The following SLC36A2 variants were observed in gnomAD, a reference collection of about 807,000 sequenced individuals.
The protein encoded by SLC36A2 is proton-coupled amino acid transporter 2.
A neutral mutation model predicts 42.7 loss-of-function variants in SLC36A2; 39 were observed. The ratio of observed to expected loss-of-function variants is 0.91; its 90% CI spans 0.71 to 1.19. The LOEUF (loss-of-function observed/expected upper bound fraction) is 1.19. Among genes scored for constraint, SLC36A2 ranks in the 50% most tolerant of loss-of-function variants. The pLI, the probability that SLC36A2 is intolerant of heterozygous loss-of-function variation, is 0.00. For synonymous variants in SLC36A2, 237 were observed against 240.8 expected (o/e 0.98, Z 0.15); for missense variants, 590 against 613.7 (o/e 0.96, Z 0.41).
chr5:151,347,350 G>T lies in SLC36A2; in HGVS notation c.111C>A (p.Phe37Leu), dbSNP rs759378079. ...AKKLENKDST[F>L]LDESPSESAG... ...CTGACTCTGAAGGACTTTCATCCAA[G>T]AATGTAGAGTCCTTGTTCTCCAACT... The change falls in exon 1 of 10, where the codon TTC becomes TTA. Residue 37 changes from phenylalanine (F) to leucine (L), a missense_variant. By Grantham distance (22) the Phe-to-Leu change is conservative. Coordinates refer to ENST00000335244, the MANE Select transcript of SLC36A2 (RefSeq NM_181776.3). The T allele has an allele frequency of 1.9e-6, 3 of 1,614,234 alleles. No homozygotes were observed. In the South Asian group the frequency reaches 3.3e-5, roughly 18 times the overall value.
chr5:151,335,188 A>G (rs1328106686), intron 6 of SLC36A2, 141 bp downstream of exon 6: 1 of 669,276 alleles, frequency 1.5e-6, no homozygotes, highest in Non-Finnish European at 2.7e-6. Flanking sequence ...ATCCTTGTAG[A>G]AGAAATGCTA....
Position 151,333,272 on chromosome 5 carries a change from G to A in SLC36A2, c.795C>T (p.Tyr265=). Residue 265 remains tyrosine (Y), a synonymous_variant, in exon 7 of 10, where the codon TAC becomes TAT. Transcript: ENST00000335244. ...AAATGGCTGTTCCGAAGAAGAGAGG[G>A]TAGGTCTTCCAGCTTGCTACCAGTG... ...RLPLVASWKT[Y]PLFFGTAIFS... 1 of 1,614,072 alleles carries A rather than the reference G, an allele frequency of 6.2e-7. No homozygotes were observed. The highest frequency in any genetic ancestry group is 8.5e-7 in the Non-Finnish European group (1 of 1,179,968).
chr5:151,322,067 G>A lies in SLC36A2; in HGVS notation c.1159C>T (p.Leu387Phe), dbSNP rs760965097. The A allele has an allele frequency of 7.4e-6, 12 of 1,614,066 alleles. No individual in the cohort carries two copies. In the African/African-American group the frequency reaches 1.1e-4, roughly 14 times the overall value. The change falls in exon 9 of 10, where the codon CTC becomes TTC. Residue 387 changes from leucine (L) to phenylalanine (F), a missense_variant. Leu to Phe is a conservative substitution (Grantham distance 22). Transcript: ENST00000335244. ...TCACATGTCAGGCAGACCATGACGA[G>A]GCGAATGGACAGATCCAGAGGCAGT... Reference protein sequence around the residue: ...WALPLDLSIRLVMVCLTCLLA... With the variant: ...WALPLDLSIRFVMVCLTCLLA...
At chr5:151,325,476 A>C in intron 7 of SLC36A2, 24 bp from the exon 8 acceptor site, 2 of 1,613,254 alleles carry the variant, frequency 1.2e-6, no homozygotes, top group Non-Finnish European at 1.7e-6. Context: ...ACAATGTAAG[A>C]AGGAGAAAGA....
At chr5:151,327,387 T>C (rs1755882196) in intron 7 of SLC36A2, among the ~76,000 whole-genome samples, 1 of 152,180 alleles carries the variant, frequency 6.6e-6, no homozygotes, top group African/African-American at 2.4e-5. Flanking sequence ...CCTATAGCAA[T>C]GGGTATATTT....
intron 4 of SLC36A2, among the ~76,000 whole-genome samples, chr5:151,341,061 C>T (rs556220869): frequency 6.6e-6 from 1 of 152,122 alleles, no homozygotes; most frequent in South Asian, 2.1e-4. Context: ...ACTTTTGTTA[C>T]CTAGGTATAC....
chr5:151,344,989 G>A (rs529978763), intron 1 of SLC36A2, among the ~76,000 whole-genome samples: 2 of 152,236 alleles, frequency 1.3e-5, no homozygotes, highest in East Asian at 3.9e-4. Context: ...TCAGCCCAGG[G>A]CATCAAGGCT....
chr5:151,336,809 A>AACG (rs1756171970), intron 5 of SLC36A2, among the ~76,000 whole-genome samples: 1 of 151,832 alleles, frequency 6.6e-6, no homozygotes, highest in Admixed American at 6.6e-5. Context: ...AAGCAATACA[A>AACG]ATCACTGCAG....
In SLC36A2 at chr5:151,342,975, T is replaced by C; in HGVS notation, c.353A>G (p.Lys118Arg). 1 of 1,613,858 alleles carries C rather than the reference T, an allele frequency of 6.2e-7. No individual in the cohort carries two copies. Residue 118 changes from lysine to arginine, a missense_variant, in exon 4 of 10, where the codon AAG (lysine) becomes AGG (arginine). Transcript: ENST00000335244. ...CAQRFCKRLN[K>R]PFMDYGDTVM... Reference sequence around the variant, plus strand: ...CGTGTCCCCATAGTCCATAAAGGGCTTGTTAAGCCTGCAGGAGAGAGTGCA... The same window carrying C: ...CGTGTCCCCATAGTCCATAAAGGGCCTGTTAAGCCTGCAGGAGAGAGTGCA...
chr5:151,328,770 C>T (rs560185308), intron 7 of SLC36A2, among the ~76,000 whole-genome samples: 109 of 152,294 alleles, frequency 7.2e-4, no homozygotes, highest in Middle Eastern at 6.8e-3. Flanking sequence ...ATGCAGGGTT[C>T]CTTGGTGAAA....
intron 4 of SLC36A2, among the ~76,000 whole-genome samples, chr5:151,341,891 C>G (rs1038189540): frequency 2.0e-5 from 3 of 152,188 alleles, no homozygotes; most frequent in East Asian, 3.9e-4. Flanking sequence ...AATCTCGACT[C>G]TTCCTTGTCT....
chr5:151,318,523 T>TAA (rs375226406), intron 9 of SLC36A2, among the ~76,000 whole-genome samples: 27,155 of 141,718 alleles, frequency 0.19, 3,400 homozygotes, highest in Admixed American at 0.37. Flanking sequence ...TAAATAAAAA[T>TAA]ATAATAATTA....
At chr5:151,343,431 A>G in intron 3 of SLC36A2, 79 bp downstream of exon 3, 2 of 1,388,518 alleles carry the variant, frequency 1.4e-6, no homozygotes, top group South Asian at 2.3e-5. Flanking sequence ...GTAAATTTCT[A>G]TTATGCATAG....
Position 151,323,447 on chromosome 5 carries a change from C to T in SLC36A2, c.1011-1232G>A, listed in dbSNP as rs531479568. ...GAAATTCCCCTGTTCTGAGCAGGTACCACAGCCAGATCCTTGTAGACACAG... is the reference window on the plus strand; with the variant it reads ...GAAATTCCCCTGTTCTGAGCAGGTATCACAGCCAGATCCTTGTAGACACAG... On this transcript the variant is annotated intron_variant, in intron 8 of 9. Transcript: ENST00000335244. Among the ~76,000 whole-genome samples the T allele has an allele frequency of 2.6e-5, 4 of 152,288 alleles. No homozygotes were observed. In the South Asian group the frequency reaches 8.3e-4, roughly 32 times the overall value.
intron 7 of SLC36A2, among the ~76,000 whole-genome samples, chr5:151,329,943 A>C (rs138330506): frequency 2.7e-4 from 41 of 152,244 alleles, no homozygotes; most frequent in African/African-American, 9.2e-4. Context: ...CTGACTTTTC[A>C]TATACTCAGG....
At chr5:151,335,789 GA>G (rs369309770) in intron 5 of SLC36A2, among the ~76,000 whole-genome samples, 1 of 152,132 alleles carries the variant, frequency 6.6e-6, no homozygotes, top group African/African-American at 2.4e-5. Context: ...AGCACTTTGG[GA>G]GGCCGAGGCA....
rs763290041 is a variant in SLC36A2, at chr5:151,335,424, G to A, written c.649C>T (p.Leu217Phe). The A allele has an allele frequency of 6.2e-7, 1 of 1,614,138 alleles. No homozygotes were observed. The highest frequency in any genetic ancestry group is 1.1e-5 in the South Asian group (1 of 91,074). The part of the protein sequence containing the change: ...SFLPFLVLLV[L>F]IRNLRILTIF... Reference sequence around the variant, plus strand: ...GTCAAGATCCTGAGGTTCCGGATGAGGACCAGCAGCACCAGGAAGGGCAGG... The same window carrying A: ...GTCAAGATCCTGAGGTTCCGGATGAAGACCAGCAGCACCAGGAAGGGCAGG... Residue 217 changes from leucine to phenylalanine, a missense_variant, in exon 6 of 10, where the codon CTC becomes TTC. By Grantham distance (22) the Leu-to-Phe change is conservative. Transcript: ENST00000335244.
chr5:151,335,268 G>T, intron 6 of SLC36A2, 61 bp downstream of exon 6: 1 of 1,343,428 alleles, frequency 7.4e-7, no homozygotes, highest in Non-Finnish European at 1.0e-6. Context: ...CTAAAGCTCA[G>T]TCTATCCTTG....
chr5:151,333,396 T>A, intron 6 of SLC36A2, 74 bp from the exon 7 acceptor site: 1 of 1,266,798 alleles, frequency 7.9e-7, no homozygotes, highest in Non-Finnish European at 1.2e-6. Context: ...AAGGGTACTC[T>A]GAAATGAGAC....
Sources: allele counts gnomAD v4.1 joint callset (sites outside exome capture counted in the v4.1 genomes callset), GRCh38; gene constraint gnomAD v4.1.1; transcripts MANE v1.5; gene names NCBI Gene and HGNC (gene_info 2026-07-23, HGNC 2026-07-21).